Variants in NBAS observed in about 807,000 individuals in gnomAD.
The protein encoded by NBAS is NBAS subunit of NRZ tethering complex, also known as NAG/BC035112 fusion.
In NBAS, 219 loss-of-function variants were observed where a neutral mutation model predicts 302.5. The observed-to-expected ratio is 0.72, with a 90% CI of 0.65 to 0.81. The LOEUF is 0.81. Ranked by LOEUF, NBAS falls within the 30% of genes least tolerant of loss-of-function variation. The pLI is 0.00. For synonymous variants in NBAS, 1,118 were observed against 1,021.6 expected (o/e 1.09, Z -1.80); for missense variants, 2,932 against 2,841.6 (o/e 1.03, Z -0.72).
At chr2:15,127,682 AC>A in the NBAS span, among the ~76,000 whole-genome samples, 7 of 152,142 alleles carry the variant, frequency 4.6e-5, no homozygotes, top group African/African-American at 1.7e-4. Context: ...ACTCACGCCT[AC>A]CCTTTTATCT....
intron 12 of NBAS, among the ~76,000 whole-genome samples, chr2:15,481,176 G>C (rs969744017): frequency 6.6e-6 from 1 of 152,182 alleles, no homozygotes. Context: ...TTTTGTGGAT[G>C]AGTCATATTC....
chr2:15,514,001 A>C (rs1184527564), intron 9 of NBAS, among the ~76,000 whole-genome samples: 2 of 152,200 alleles, frequency 1.3e-5, no homozygotes, highest in African/African-American at 4.8e-5. Flanking sequence ...AAAAAGAGGC[A>C]GGGGAGAACA....
chr2:15,100,092 C>A, the NBAS span, among the ~76,000 whole-genome samples: 1 of 152,198 alleles, frequency 6.6e-6, no homozygotes, highest in Non-Finnish European at 1.5e-5. Context: ...ACATTACATT[C>A]TCCAAAGGCA....
chr2:14,783,654 C>A, the NBAS span, among the ~76,000 whole-genome samples: 1 of 151,484 alleles, frequency 6.6e-6, no homozygotes, highest in South Asian at 2.1e-4. Context: ...ATGAACTCAT[C>A]GTTTTTTATG....
intron 44 of NBAS, among the ~76,000 whole-genome samples, chr2:15,260,374 G>A (rs970569290): frequency 1.4e-4 from 21 of 152,192 alleles, no homozygotes; most frequent in African/African-American, 4.6e-4. Flanking sequence ...GACTCAATCC[G>A]TGGGTTTGGG....
chr2:15,461,097 T>C, intron 21 of NBAS, 104 bp downstream of exon 21: 8 of 1,076,200 alleles, frequency 7.4e-6, no homozygotes, highest in South Asian at 1.6e-5. Context: ...AAAGTTTAAA[T>C]ATATTACATT....
chr2:15,416,645 A>G (rs1024774092), intron 24 of NBAS, among the ~76,000 whole-genome samples: 4 of 151,908 alleles, frequency 2.6e-5, no homozygotes, highest in Admixed American at 2.6e-4. Flanking sequence ...ATCTCTATTA[A>G]AAATGCAAAA....
At chr2:15,487,908 G>A (rs2148610348) in intron 12 of NBAS, among the ~76,000 whole-genome samples, 1 of 152,240 alleles carries the variant, frequency 6.6e-6, no homozygotes, top group Admixed American at 6.5e-5. Context: ...ATGGAAACCA[G>A]GGAGAAAATA....
At chr2:15,063,133 C>A in the NBAS span, among the ~76,000 whole-genome samples, 1 of 152,192 alleles carries the variant, frequency 6.6e-6, no homozygotes, top group African/African-American at 2.4e-5. Context: ...AACTCCAGTA[C>A]AAATCCGTGT....
At chr2:15,257,673 C>T (rs1668665607) in intron 44 of NBAS, among the ~76,000 whole-genome samples, 1 of 151,918 alleles carries the variant, frequency 6.6e-6, no homozygotes, top group Non-Finnish European at 1.5e-5. Context: ...GATTACAGGC[C>T]CAATGCTGTG....
the NBAS span, among the ~76,000 whole-genome samples, chr2:15,056,830 T>C: frequency 1.0e-3 from 132 of 131,048 alleles, no homozygotes; most frequent in South Asian, 2.6e-3. Context: ...TTCTTTTTTT[T>C]TTCTTTTTTT....
chr2:15,115,370 T>C, the NBAS span, among the ~76,000 whole-genome samples: 1 of 152,246 alleles, frequency 6.6e-6, no homozygotes, highest in Non-Finnish European at 1.5e-5. Flanking sequence ...TTAGATTTGA[T>C]TATTTAGGTA....
chr2:15,480,534 T>C (rs1680387094), intron 12 of NBAS, among the ~76,000 whole-genome samples: 1 of 152,040 alleles, frequency 6.6e-6, no homozygotes, highest in Non-Finnish European at 1.5e-5. Context: ...ACAGAGGATT[T>C]TGGGCATGGG....
chr2:14,890,323 C>T, the NBAS span, among the ~76,000 whole-genome samples: 4 of 152,068 alleles, frequency 2.6e-5, no homozygotes, highest in Non-Finnish European at 4.4e-5. Flanking sequence ...ATAGAAATTT[C>T]CATATCTTCT....
the NBAS span, among the ~76,000 whole-genome samples, chr2:14,793,122 A>C: frequency 5.1e-4 from 77 of 151,900 alleles, 1 homozygote; most frequent in African/African-American, 1.7e-3. Flanking sequence ...CAAAGTAAGA[A>C]GGAGGCCATC....
At chr2:14,813,467 G>A in the NBAS span, among the ~76,000 whole-genome samples, 6 of 152,272 alleles carry the variant, frequency 3.9e-5, no homozygotes, top group South Asian at 2.1e-4. Context: ...GACTGGCAGC[G>A]TTGTGCCCCT....
At chr2:15,440,162 C>G (rs1317082671) in intron 21 of NBAS, among the ~76,000 whole-genome samples, 1 of 152,194 alleles carries the variant, frequency 6.6e-6, no homozygotes, top group Non-Finnish European at 1.5e-5. Context: ...CAGTGGTTCT[C>G]CCAGCACCCA....
At chr2:14,825,703 G>A in the NBAS span, among the ~76,000 whole-genome samples, 1 of 152,198 alleles carries the variant, frequency 6.6e-6, no homozygotes, top group East Asian at 1.9e-4. Flanking sequence ...AAATACCTAA[G>A]CAATTCAAAC....
At chr2:14,801,540 A>C in the NBAS span, among the ~76,000 whole-genome samples, 1 of 151,986 alleles carries the variant, frequency 6.6e-6, no homozygotes, top group Admixed American at 6.6e-5. Context: ...TCATATGTTC[A>C]ATCTTTCCTT....
Sources: allele counts gnomAD v4.1 joint callset (sites outside exome capture counted in the v4.1 genomes callset), GRCh38; gene constraint gnomAD v4.1.1; transcripts MANE v1.5; gene names NCBI Gene and HGNC (gene_info 2026-07-23, HGNC 2026-07-21).